ASS1: variants seen among roughly 807,000 people sequenced by gnomAD.
ASS1 encodes the protein argininosuccinate synthase 1.
In ASS1, 58 loss-of-function variants were observed where a neutral mutation model predicts 60.5. That is an observed-to-expected ratio of 0.96 (90% CI 0.78 to 1.19). The LOEUF is 1.19. Among genes scored for constraint, ASS1 ranks in the 50% most tolerant of loss-of-function variants. The pLI, the probability that ASS1 is intolerant of heterozygous loss-of-function variation, is 0.00. For missense variants in ASS1, 454 were observed against 547.3 expected (o/e 0.83, Z 1.70); for synonymous variants, 200 against 206.9 (o/e 0.97, Z 0.29).
Position 130,452,288 on chromosome 9 carries a change from C to A in ASS1, c.60C>A (p.Ile20=). The change falls in exon 2 of 15, where the codon ATC becomes ATA. Residue 20 remains isoleucine (I), a synonymous_variant. Transcript: ENST00000352480. Reference sequence around the variant, plus strand: ...GTGGCGGCCTGGACACCTCGTGCATCCTCGTGTGGCTGAAGGAACAAGGCT... The same window carrying A: ...GTGGCGGCCTGGACACCTCGTGCATACTCGTGTGGCTGAAGGAACAAGGCT... ...AYSGGLDTSC[I]LVWLKEQGYD... is the part of the protein sequence containing the mutation. 6.2e-7 allele frequency: 1 copy of A among 1,614,184 alleles called. No homozygotes were observed. Among genetic ancestry groups the A allele is most frequent in the Non-Finnish European group, 8.5e-7 (1 of 1,180,034 alleles).
chr9:130,474,103 C>T (rs893882436), intron 8 of ASS1, among the ~76,000 whole-genome samples: 5 of 142,930 alleles, frequency 3.5e-5, no homozygotes, highest in African/African-American at 7.7e-5. Context: ...TGAGCCCTCC[C>T]GCTGGGAGGG....
intron 6 of ASS1, among the ~76,000 whole-genome samples, chr9:130,467,895 G>T (rs1845784149): frequency 6.6e-6 from 1 of 152,188 alleles, no homozygotes; most frequent in Non-Finnish European, 1.5e-5. Flanking sequence ...TAAGTCCCCA[G>T]ACAAAAGCAG....
intron 11 of ASS1, among the ~76,000 whole-genome samples, chr9:130,483,054 AGAAG>A (rs1333304657): frequency 6.6e-6 from 1 of 152,130 alleles, no homozygotes; most frequent in East Asian, 1.9e-4. Context: ...GGTTGGGGAG[AGAAG>A]ACAAAGTTGC....
rs71387350 is a variant in ASS1 at position 130,448,422 on chromosome 9, G to GCGCACACACACACACACACACACA, written c.-6+3428_-6+3429insGCACACACACACACACACACACAC. ...TGGGTGCACACAGGTGTGTGCGCGC[G>GCGCACACACACACACACACACACA]CACACACACACACACACACACACTG... is the stretch of plus-strand genomic sequence containing the variant. On this transcript the variant is annotated intron_variant, in intron 1 of 14. Transcript: ENST00000352480. 1.5e-3 allele frequency among the ~76,000 whole-genome samples: 216 copies of GCGCACACACACACACACACACACA among 143,368 alleles called. 1 individual carries two copies. Among genetic ancestry groups the GCGCACACACACACACACACACACA allele is most frequent in the African/African-American group, 5.7e-3 (209 of 36,436 alleles). The allele number at this position is 143,368 out of a possible 152,430, so 94.1% of individuals were successfully genotyped here.
chr9:130,481,907 G>T (rs480313), intron 11 of ASS1, among the ~76,000 whole-genome samples: 35,209 of 152,046 alleles, frequency 0.23, 4,789 homozygotes, highest in Admixed American at 0.31. Context: ...CTTTTTATCC[G>T]GGCTTACCTT....
intron 3 of ASS1, among the ~76,000 whole-genome samples, chr9:130,457,616 G>A (rs927447426): frequency 8.5e-5 from 13 of 152,224 alleles, no homozygotes; most frequent in East Asian, 1.9e-4. Context: ...TCCTGTGCAC[G>A]GGAGGATTTT....
At chr9:130,495,321 G>A (rs1180913082) in intron 13 of ASS1, among the ~76,000 whole-genome samples, 1 of 151,978 alleles carries the variant, frequency 6.6e-6, no homozygotes, top group Non-Finnish European at 1.5e-5. Context: ...GGTGGTGCAT[G>A]CCTGTAATTT....
chr9:130,499,187 A>G (rs1392817093), intron 13 of ASS1, among the ~76,000 whole-genome samples: 1 of 152,160 alleles, frequency 6.6e-6, no homozygotes, highest in African/African-American at 2.4e-5. Flanking sequence ...TTACAGACAG[A>G]GTGCTCTGGT....
intron 11 of ASS1, among the ~76,000 whole-genome samples, chr9:130,486,282 T>TG (rs1179974710): frequency 6.6e-6 from 1 of 152,080 alleles, no homozygotes; most frequent in Non-Finnish European, 1.5e-5. Context: ...TTGGTAGAGA[T>TG]GGGGTCTCAC....
chr9:130,477,401 G>A lies in ASS1; in HGVS notation c.688+440G>A, dbSNP rs1295283310. On this transcript the variant is annotated intron_variant, in intron 9 of 14. Transcript: ENST00000352480. The surrounding 1 kb of genome is among the most constrained non-coding windows in gnomAD (Gnocchi z 4.2). ...GTAAACGGTGAGTGTTGGCGAGCTGGCCTCATGGACCCCTGGGACCCCACA... is the reference window on the plus strand; with the variant it reads ...GTAAACGGTGAGTGTTGGCGAGCTGACCTCATGGACCCCTGGGACCCCACA... Among the ~76,000 whole-genome samples, 1 of 152,174 alleles carries A rather than the reference G, an allele frequency of 6.6e-6. No individual in the cohort carries two copies. The highest frequency in any genetic ancestry group is 1.9e-4 in the East Asian group (1 of 5,194).
At chr9:130,499,614 G>A in intron 14 of ASS1, 44 bp downstream of exon 14, 2 of 1,576,360 alleles carry the variant, frequency 1.3e-6, no homozygotes, top group African/African-American at 1.3e-5. Context: ...GCCTCCAGGT[G>A]TAAAGGGTAG....
rs1461979305 is a variant in ASS1 at position 130,459,442 on chromosome 9, G to T, written c.363+853G>T. Among the ~76,000 whole-genome samples the T allele has an allele frequency of 6.6e-6, 1 of 151,890 alleles. No individual in the cohort carries two copies. The highest frequency in any genetic ancestry group is 2.4e-5 in the African/African-American group (1 of 41,358). On this transcript the variant is annotated intron_variant, in intron 4 of 14. Coordinates refer to ENST00000352480, the MANE Select transcript of ASS1 (RefSeq NM_054012.4). The surrounding 1 kb of genome is among the most constrained non-coding windows in gnomAD (Gnocchi z 4.6). Reference sequence around the variant, plus strand: ...TTGGTTACTTTTTGTGTGTGTGTGTGGGGGAGAGGGACAAAGTCTCACTCT... The same window carrying T: ...TTGGTTACTTTTTGTGTGTGTGTGTTGGGGAGAGGGACAAAGTCTCACTCT...
intron 13 of ASS1, among the ~76,000 whole-genome samples, chr9:130,495,654 C>T (rs1039649722): frequency 6.6e-6 from 1 of 151,924 alleles, no homozygotes; most frequent in Non-Finnish European, 1.5e-5. Flanking sequence ...AGGGCAAGAT[C>T]AGATCTGTGC....
chr9:130,461,075 C>G (rs1047678399), intron 4 of ASS1, among the ~76,000 whole-genome samples: 4 of 152,068 alleles, frequency 2.6e-5, no homozygotes, highest in Non-Finnish European at 5.9e-5. Flanking sequence ...GGATCGTGAG[C>G]TTCCTATCCC....
chr9:130,465,046 A>T (rs1245446397), intron 5 of ASS1, among the ~76,000 whole-genome samples: 1 of 101,710 alleles, frequency 9.8e-6, no homozygotes, highest in Non-Finnish European at 2.1e-5. Flanking sequence ...ATATATATAT[A>T]TATATATATA....
intron 6 of ASS1, among the ~76,000 whole-genome samples, chr9:130,469,532 TC>T (rs1262450692): frequency 1.3e-5 from 2 of 152,138 alleles, no homozygotes; most frequent in Non-Finnish European, 2.9e-5. Flanking sequence ...TACCTCAGTC[TC>T]CCAAGTAGCT....
At chr9:130,452,512 G>C (rs1845351614) in intron 2 of ASS1, among the ~76,000 whole-genome samples, 179 bp downstream of exon 2, 1 of 152,184 alleles carries the variant, frequency 6.6e-6, no homozygotes, top group African/African-American at 2.4e-5. Flanking sequence ...TCGTTGTACT[G>C]CCTCACTTTC....
intron 12 of ASS1, among the ~76,000 whole-genome samples, chr9:130,490,555 C>T (rs1212265581): frequency 6.6e-6 from 1 of 152,256 alleles, no homozygotes; most frequent in African/African-American, 2.4e-5. Flanking sequence ...CTCAGGTGAT[C>T]CGCCCGTCTT....
At chr9:130,450,787 C>T (rs1845308141) in intron 1 of ASS1, among the ~76,000 whole-genome samples, 1 of 152,258 alleles carries the variant, frequency 6.6e-6, no homozygotes, top group Non-Finnish European at 1.5e-5. Context: ...ATGCCTGCAT[C>T]ACTGCAATGG....
Sources: gnomAD v4.1 joint callset for allele counts (sites outside exome capture counted in the v4.1 genomes callset) on GRCh38, gnomAD v4.1.1 for gene constraint, Gnocchi (gnomAD v3.1) non-coding constraint, MANE v1.5 for transcripts, NCBI Gene and HGNC (gene_info 2026-07-23, HGNC 2026-07-21) for gene names.